Variants in MUCL1 observed in about 807,000 individuals in gnomAD.
The protein encoded by MUCL1 is mucin-like protein 1.
A neutral mutation model predicts 9.2 loss-of-function variants in MUCL1; 11 were observed. The ratio of observed to expected loss-of-function variants is 1.19; its 90% confidence interval spans 0.75 to 1.97. The LOEUF is 1.97. Among genes scored for constraint, MUCL1 ranks in the 30% most tolerant of loss-of-function variants. MUCL1 has a pLI of 0.00. For missense variants in MUCL1, 144 were observed against 110.9 expected (o/e 1.30, Z -1.34); for synonymous variants, 48 against 40.5 (o/e 1.19, Z -0.71).
chr12:54,837,443 G>A (rs993639352), upstream of MUCL1, among the ~76,000 whole-genome samples: 4 of 151,874 alleles, frequency 2.6e-5, no homozygotes, highest in Admixed American at 6.6e-5. Flanking sequence ...GTGGAATATC[G>A]TTTTCCACCC....
chr12:54,855,694 GT>G (rs1206010226), intron 2 of MUCL1, among the ~76,000 whole-genome samples: 5 of 152,298 alleles, frequency 3.3e-5, no homozygotes, highest in African/African-American at 1.2e-4. Context: ...GAAAACGAAG[GT>G]GGTAGACCAA....
In MUCL1 at chr12:54,857,255, T is replaced by A. The variant is rs2710713; in HGVS notation, c.223+363T>A. Among the ~76,000 whole-genome samples, 524 of 151,888 alleles carry A rather than the reference T, an allele frequency of 3.4e-3. 2 individuals are homozygous for A. The highest frequency in any genetic ancestry group is 5.9e-3 in the Non-Finnish European group (402 of 67,914). ...TAGTGTGTGTGTGTGTGTGTGTGTG[T>A]GTGTGTGTGTGTGTTTAAATCAGGC... On this transcript the variant is annotated intron_variant, in intron 3 of 3. Transcript: ENST00000308796.
intron 1 of MUCL1, among the ~76,000 whole-genome samples, chr12:54,847,649 G>A (rs1364911304): frequency 2.6e-5 from 4 of 152,004 alleles, no homozygotes; most frequent in African/African-American, 4.8e-5. Context: ...AACACAAAAA[G>A]CAAAGAAAGA....
chr12:54,838,265 T>C (rs118115752), upstream of MUCL1, among the ~76,000 whole-genome samples: 186 of 152,316 alleles, frequency 1.2e-3, no homozygotes, highest in Non-Finnish European at 2.3e-3. Flanking sequence ...CCCTAATCCT[T>C]TCTGGTTTGT....
intron 2 of MUCL1, 65 bp from the exon 3 acceptor site, chr12:54,856,704 CT>C: frequency 6.5e-7 from 1 of 1,549,216 alleles, no homozygotes; most frequent in South Asian, 1.2e-5. Context: ...ATGTCTACCC[CT>C]GGGTGGGATA....
chr12:54,851,344 G>A (rs1370749150), upstream of MUCL1, among the ~76,000 whole-genome samples: 1 of 152,062 alleles, frequency 6.6e-6, no homozygotes, highest in Non-Finnish European at 1.5e-5. Flanking sequence ...GGGATGCAAG[G>A]CTGGTTAACA....
At chr12:54,839,678 T>C (rs1036452892) in intron 1 of MUCL1, among the ~76,000 whole-genome samples, 1 of 152,182 alleles carries the variant, frequency 6.6e-6, no homozygotes. Flanking sequence ...AATGCTGATG[T>C]TCCATGTAGA....
chr12:54,845,141 G>A (rs1959237612), intron 1 of MUCL1, among the ~76,000 whole-genome samples: 1 of 152,192 alleles, frequency 6.6e-6, no homozygotes. Flanking sequence ...GCCTTTCTTT[G>A]CAGCTTGAAC....
upstream of MUCL1, chr12:54,854,471 G>T (rs1006217185): frequency 3.9e-6 from 3 of 769,902 alleles, no homozygotes; most frequent in African/African-American, 5.2e-5. Flanking sequence ...GCTCCTGATT[G>T]GTGCCCTCTG....
At chr12:54,848,240 G>A (rs561390772) in intron 1 of MUCL1, among the ~76,000 whole-genome samples, 1 of 152,046 alleles carries the variant, frequency 6.6e-6, no homozygotes, top group South Asian at 2.1e-4. Flanking sequence ...CTCTCTTCAG[G>A]TTGGGGCTTC....
intron 1 of MUCL1, among the ~76,000 whole-genome samples, chr12:54,839,705 T>C (rs1959200953): frequency 6.6e-6 from 1 of 152,166 alleles, no homozygotes; most frequent in South Asian, 2.1e-4. Flanking sequence ...TTGTGACTAC[T>C]CCTTGTGGAA....
intron 1 of MUCL1, among the ~76,000 whole-genome samples, chr12:54,833,087 G>A (rs1257418553): frequency 1.3e-5 from 2 of 152,008 alleles, no homozygotes; most frequent in Non-Finnish European, 2.9e-5. Context: ...ATATCTAGAA[G>A]AGTAAGAGTT....
intron 1 of MUCL1, 147 bp downstream of exon 1, chr12:54,854,787 T>C: frequency 1.4e-6 from 1 of 691,136 alleles, no homozygotes. Flanking sequence ...CCGTTCAAGA[T>C]GGAGATGGTT....
At chr12:54,845,363 C>T (rs1292182312) in intron 1 of MUCL1, among the ~76,000 whole-genome samples, 1 of 152,066 alleles carries the variant, frequency 6.6e-6, no homozygotes, top group African/African-American at 2.4e-5. Flanking sequence ...AATTTGTCTC[C>T]CCGAGCTGTG....
chr12:54,856,462 C>A (rs1868300440), intron 2 of MUCL1, among the ~76,000 whole-genome samples: 1 of 152,188 alleles, frequency 6.6e-6, no homozygotes, highest in African/African-American at 2.4e-5. Flanking sequence ...GAGCAGTAGT[C>A]CCTGTGAATA....
Position 54,858,200 on chromosome 12 carries a change from C to T in MUCL1, c.231C>T (p.Pro77=). The T allele has an allele frequency of 6.2e-7, 1 of 1,613,342 alleles. No individual in the cohort carries two copies. Among genetic ancestry groups the T allele is most frequent in the Non-Finnish European group, 8.5e-7 (1 of 1,179,528 alleles). ...TTARKDIPVL[P]KWVGDLPNGR... ...TATTTTTTTCTCTTGCAGTTTTACC[C>T]AAATGGGTTGGGGATCTCCCGAATG... is the stretch of plus-strand genomic sequence containing the variant. Residue 77 remains proline, a synonymous_variant, in exon 4 of 4, where the codon CCC becomes CCT. Coordinates refer to ENST00000308796, the MANE Select transcript of MUCL1 (RefSeq NM_058173.3).
upstream of MUCL1, among the ~76,000 whole-genome samples, chr12:54,850,458 C>T (rs185234134): frequency 4.6e-3 from 702 of 152,130 alleles, 7 homozygotes; most frequent in Middle Eastern, 0.034. Context: ...TGGTTTCCAG[C>T]TTCATCCATG....
At chr12:54,857,231 A>T (rs1314028542) in intron 3 of MUCL1, among the ~76,000 whole-genome samples, 3 of 142,554 alleles carry the variant, frequency 2.1e-5, no homozygotes, top group Admixed American at 7.1e-5. Context: ...TAAATCAGGT[A>T]GTGTGTGTGT....
intron 2 of MUCL1, 25 bp from the exon 3 acceptor site, chr12:54,856,745 C>T (rs2135947394): frequency 1.9e-6 from 3 of 1,588,570 alleles, no homozygotes; most frequent in East Asian, 4.6e-5. Context: ...TCAGTCTCAC[C>T]TAGAGCTTTT....
Sources: allele counts gnomAD v4.1 joint callset (sites outside exome capture counted in the v4.1 genomes callset), GRCh38; gene constraint gnomAD v4.1.1; transcripts MANE v1.5; gene names NCBI Gene and HGNC (gene_info 2026-07-23, HGNC 2026-07-21).